The following NLRP1 variants were observed in gnomAD, a reference collection of about 807,000 sequenced individuals.
NLRP1 encodes NACHT, LRR and PYD domains-containing protein 1.
NLRP1 carries 94 observed loss-of-function variants against 136.7 expected under a neutral mutation model. The observed-to-expected ratio is 0.69, with a 90% CI of 0.58 to 0.82. The LOEUF (loss-of-function observed/expected upper bound fraction) is 0.82, where lower values mean the gene tolerates loss of function less well. NLRP1 is among the 40% of genes least tolerant of loss of function. NLRP1 has a pLI of 0.00. For synonymous variants in NLRP1, 690 were observed against 725.1 expected (o/e 0.95, Z 0.78); for missense variants, 1,575 against 1,802.7 (o/e 0.87, Z 2.29).
Position 5,532,822 on chromosome 17 carries a change from C to T in NLRP1, c.3296G>A (p.Arg1099Gln), listed in dbSNP as rs199505053. 8.2e-6 allele frequency: 13 copies of T among 1,594,726 alleles called. No homozygotes were observed. The highest frequency in any genetic ancestry group is 2.3e-5 in the East Asian group (1 of 43,990). ...EVVDKEKNLYRVHFPVAGSYR... is the reference protein window; with the variant it reads ...EVVDKEKNLYQVHFPVAGSYR... ...GGACCAGCAGAGCCCCCTCACTCAC[C>T]GGTACAAGTTCTTTTCTTTGTCAAC... Residue 1099 changes from arginine (R) to glutamine (Q), a missense_variant and splice_region_variant, in exon 11 of 17, where the codon CGA becomes CAA. Arg to Gln is a conservative substitution (Grantham distance 43). Coordinates refer to ENST00000572272, the MANE Select transcript of NLRP1 (RefSeq NM_033004.4).
chr17:5,528,786 A>T (rs1324198817), intron 12 of NLRP1, among the ~76,000 whole-genome samples: 1 of 152,252 alleles, frequency 6.6e-6, no homozygotes, highest in Non-Finnish European at 1.5e-5. Context: ...TCAACTAACA[A>T]ATGAGAAATT....
intron 3 of NLRP1, among the ~76,000 whole-genome samples, chr17:5,563,035 C>T (rs892612166): frequency 3.3e-5 from 5 of 152,152 alleles, no homozygotes; most frequent in Admixed American, 1.3e-4. Flanking sequence ...CTTCCAGAAT[C>T]GAAGCCAGTT....
At chr17:5,581,225 A>ATTTAC (rs1905602168) in intron 3 of NLRP1, among the ~76,000 whole-genome samples, 1 of 152,208 alleles carries the variant, frequency 6.6e-6, no homozygotes, top group African/African-American at 2.4e-5. Context: ...TGGCTTTAGT[A>ATTTAC]TGACTGTCCT....
In NLRP1 at chr17:5,532,983, C is replaced by T. The variant is rs1261950870; in HGVS notation, c.3135G>A (p.Glu1045=). 1 of 1,610,932 alleles carries T rather than the reference C, an allele frequency of 6.2e-7. No individual in the cohort carries two copies. The highest frequency in any genetic ancestry group is 2.2e-5 in the East Asian group (1 of 44,850). Reference sequence around the variant, plus strand: ...CCGGTACTACCTCTGGGGAGCTTTCCTCTGAAACAGCAAGGCAGCGGTCAG... The same window carrying T: ...CCGGTACTACCTCTGGGGAGCTTTCTTCTGAAACAGCAAGGCAGCGGTCAG... The part of the protein sequence containing the change: ...SKIFPIAEIA[E]ESSPEVVPVE... Residue 1045 remains glutamate, a splice_region_variant and synonymous_variant, in exon 11 of 17, where the codon GAG becomes GAA. Transcript: ENST00000572272.
At chr17:5,521,436 G>A in intron 13 of NLRP1, 88 bp downstream of exon 13, 1 of 1,400,044 alleles carries the variant, frequency 7.1e-7, no homozygotes, top group Non-Finnish European at 9.8e-7. Context: ...CTTGGTCCCA[G>A]TTGAAGACCC....
chr17:5,531,344 TAGCTA>T (rs1457070035), intron 11 of NLRP1, among the ~76,000 whole-genome samples: 1 of 152,144 alleles, frequency 6.6e-6, no homozygotes, highest in East Asian at 1.9e-4. Context: ...GCTCCCTGAG[TAGCTA>T]GGACTACAGG....
At chr17:5,549,277 GT>G (rs71370070) in intron 5 of NLRP1, among the ~76,000 whole-genome samples, 6,607 of 143,682 alleles carry the variant, frequency 0.046, 139 homozygotes, top group Middle Eastern at 0.086. Context: ...GAAATCATTA[GT>G]TTTTTTTTTT....
At chr17:5,579,334 A>T (rs1172909164) in intron 3 of NLRP1, among the ~76,000 whole-genome samples, 1 of 152,020 alleles carries the variant, frequency 6.6e-6, no homozygotes, top group African/African-American at 2.4e-5. Flanking sequence ...AGAATAGAAT[A>T]AAAAAAGAGA....
In NLRP1 at chr17:5,584,125, G is replaced by T. The variant is rs189567580; in HGVS notation, c.-168C>A. On this transcript the variant is annotated 5_prime_UTR_variant, in exon 1 of 17. Transcript: ENST00000572272. ...GCACCTACAGATAGACGCCGATAGA[G>T]GGGGAGTGGTAGGAAAAGCCAGGGG... is the stretch of plus-strand genomic sequence containing the variant. The T allele has an allele frequency of 4.5e-6, 3 of 671,800 alleles. No individual in the cohort carries two copies. In the African/African-American group the frequency reaches 5.4e-5, roughly 12 times the overall value. The allele number at this position is 671,800 out of a possible 1,614,324, so 41.6% of individuals were successfully genotyped here. A position where few individuals can be genotyped will look rare whatever the true frequency, so the allele number is the denominator to read the frequency against.
In NLRP1 at chr17:5,521,864, G is replaced by A. The variant is rs559640060; in HGVS notation, c.3521-78C>T. The A allele has an allele frequency of 1.1e-5, 16 of 1,398,510 alleles. No individual in the cohort carries two copies. The African/African-American group carries it at 1.2e-4, about 10-fold the overall frequency. The allele number at this position is 1,398,510 out of a possible 1,614,324, so 86.6% of individuals were successfully genotyped here. A position where few individuals can be genotyped will look rare whatever the true frequency, so the allele number is the denominator to read the frequency against. On this transcript the variant is annotated intron_variant, in intron 12 of 16. Transcript: ENST00000572272. ...GTTGAGACAGAGTTTCGCTCTTGTC[G>A]CCCAGGCTGGAGTGCAATGGTACAA...
rs11653832 is a variant in NLRP1, at chr17:5,521,586, C to A, written c.3721G>T (p.Val1241Phe). 4.3e-6 allele frequency: 7 copies of A among 1,613,970 alleles called. No homozygotes were observed. The South Asian group carries it at 7.7e-5, about 18-fold the overall frequency. Residue 1241 changes from valine to phenylalanine, a missense_variant, in exon 13 of 17, where the codon GTC (valine) becomes TTC (phenylalanine). By Grantham distance (50) the Val-to-Phe change is conservative (BLOSUM62 -1). Transcript: ENST00000572272. ...TGGAAGGTGACTTCCTCAGGATGGA[C>A]GCGGTGGTAAAGCAACACCACAGAG... ...VTSVVLLYHR[V>F]HPEEVTFHLY...
intron 15 of NLRP1, among the ~76,000 whole-genome samples, chr17:5,516,215 C>G (rs528067363): frequency 6.6e-6 from 1 of 152,060 alleles, no homozygotes; most frequent in Non-Finnish European, 1.5e-5. Flanking sequence ...GTTGTGGTAC[C>G]AGGAGCACCG....
chr17:5,567,272 T>A (rs912018959), intron 3 of NLRP1, among the ~76,000 whole-genome samples: 2 of 152,096 alleles, frequency 1.3e-5, no homozygotes, highest in African/African-American at 4.8e-5. Context: ...CTAGTGAAGA[T>A]GATTTTCTCT....
intron 12 of NLRP1, among the ~76,000 whole-genome samples, chr17:5,528,923 G>A (rs1268714269): frequency 1.3e-5 from 2 of 152,162 alleles, no homozygotes; most frequent in African/African-American, 4.8e-5. Context: ...ACTGATGTAA[G>A]CTATAACATA....
chr17:5,580,616 G>GTTAA (rs1174128095), intron 3 of NLRP1, among the ~76,000 whole-genome samples: 16 of 152,134 alleles, frequency 1.1e-4, no homozygotes, highest in Admixed American at 6.5e-5. Flanking sequence ...ATAGCAATGA[G>GTTAA]GTAGTCTTTG....
chr17:5,523,655 A>T, intron 12 of NLRP1, among the ~76,000 whole-genome samples: 1 of 152,180 alleles, frequency 6.6e-6, no homozygotes, highest in African/African-American at 2.4e-5. Context: ...AATGGGAGAG[A>T]CACTGGCCTA....
At position 5,553,383 on chromosome 17, in the gene NLRP1, C is replaced by T; in HGVS notation, c.2528+3G>A. 1 of 1,610,150 alleles carries T rather than the reference C, an allele frequency of 6.2e-7. No homozygotes were observed. The highest frequency in any genetic ancestry group is 1.1e-5 in the South Asian group (1 of 90,684). On this transcript the variant is annotated splice_donor_region_variant and intron_variant, in intron 5 of 16. Coordinates refer to ENST00000572272, the MANE Select transcript of NLRP1 (RefSeq NM_033004.4). ...TTCAGAACAGAACCCAGGCCAGACT[C>T]ACCGCAGGGTCTCCAGGAGGCAGCG...
At chr17:5,576,795 G>A (rs1905065408) in intron 3 of NLRP1, among the ~76,000 whole-genome samples, 1 of 152,102 alleles carries the variant, frequency 6.6e-6, no homozygotes, top group African/African-American at 2.4e-5. Context: ...AAGCCTGGCA[G>A]AGACACAACA....
At chr17:5,511,773 C>T (rs113939906), downstream of NLRP1, among the ~76,000 whole-genome samples, 6,223 of 132,380 alleles carry the variant, frequency 0.047, 152 homozygotes, top group African/African-American at 0.099. Context: ...TTCTCTTTCT[C>T]TTTCTTCTTT....
Sources: gnomAD v4.1 joint callset for allele counts (sites outside exome capture counted in the v4.1 genomes callset) on GRCh38, gnomAD v4.1.1 for gene constraint, MANE v1.5 for transcripts, NCBI Gene and HGNC (gene_info 2026-07-23, HGNC 2026-07-21) for gene names.